Variants in CBFA2T3 observed in about 807,000 individuals in gnomAD.
The protein encoded by CBFA2T3 is transcriptional corepressor CBFA2T3.
In CBFA2T3, 31 loss-of-function variants were observed where a neutral mutation model predicts 58.6. That is an observed-to-expected ratio of 0.53 (90% CI 0.40 to 0.71). The LOEUF (loss-of-function observed/expected upper bound fraction) is 0.71, where lower values mean the gene tolerates loss of function less well. Ranked by LOEUF, CBFA2T3 falls within the 30% of genes least tolerant of loss-of-function variation. The probability of loss-of-function intolerance (pLI) is 0.00; values close to 1 mark genes in which losing one functional copy is unlikely to be tolerated. For missense variants in CBFA2T3, 1,076 were observed against 963.1 expected, an observed-to-expected ratio of 1.12 and a Z score of -1.55; for synonymous variants, 531 against 421.9, an observed-to-expected ratio of 1.26 and a Z score of -3.17.
intron 1 of CBFA2T3, among the ~76,000 whole-genome samples, chr16:88,967,105 C>A (rs1456074758): frequency 2.4e-5 from 3 of 126,352 alleles, no homozygotes; most frequent in Non-Finnish European, 3.5e-5. Context: ...TGTGTGCCAC[C>A]CCCAACCCCC....
At position 88,877,092 on chromosome 16, in the gene CBFA2T3, T is replaced by C. The variant is rs754861677; in HGVS notation, c.1846A>G (p.Ser616Gly). The C allele has an allele frequency of 7.8e-6, 12 of 1,541,870 alleles. No individual in the cohort carries two copies. The South Asian group carries it at 1.4e-4, about 18-fold the overall frequency. ...PVPGPPEAAH[S>G]LGPSLPVGAA... ...CCCACAGGCAGGGAGGGGCCCAGGC[T>C]GTGGGCGGCTTCGGGCGGTCCAGGC... The change falls in exon 12 of 12, where the codon AGC becomes GGC. Residue 616 changes from serine (S) to glycine (G), a missense_variant. Coordinates refer to ENST00000268679, the MANE Select transcript of CBFA2T3 (RefSeq NM_005187.6).
chr16:88,896,025 G>A (rs1969874320), intron 3 of CBFA2T3, among the ~76,000 whole-genome samples: 1 of 152,184 alleles, frequency 6.6e-6, no homozygotes, highest in African/African-American at 2.4e-5. Flanking sequence ...GCCTGACCTG[G>A]GCTTCCCCAG....
rs530323103 is a variant in CBFA2T3, at chr16:88,953,351, G to A, written c.151+23306C>T. Among the ~76,000 whole-genome samples the A allele has an allele frequency of 4.6e-5, 7 of 152,114 alleles. No individual in the cohort carries two copies. Among genetic ancestry groups the A allele is most frequent in the Non-Finnish European group, 7.3e-5 (5 of 68,034 alleles). On this transcript the variant is annotated intron_variant, in intron 1 of 11. Coordinates refer to ENST00000268679, the MANE Select transcript of CBFA2T3 (RefSeq NM_005187.6). This position sits in a 1 kb window ranked among gnomAD's most constrained non-coding sequence, Gnocchi z 4.9. ...CGGAAGAACGAAGGAAGGAGTGAGC[G>A]TGGGGAGAGCCAGCCAGGCTCCCCA...
Position 88,977,021 on chromosome 16 carries a change from AT to A in CBFA2T3, c.-215del, listed in dbSNP as rs1042264708. On this transcript the variant is annotated 5_prime_UTR_variant, in exon 1 of 12. An upstream start codon of the reference 5' UTR is lost. Transcript: ENST00000268679. ...GGAGGGGGTGGGAGCCCTGGGGCTC[AT>A]GTGACGCGGGGCGGGCCTGGGGCTG... is the stretch of plus-strand genomic sequence containing the variant. The A allele has an allele frequency of 6.1e-6, 3 of 495,078 alleles. No individual in the cohort carries two copies. The highest frequency in any genetic ancestry group is 1.1e-5 in the Non-Finnish European group (3 of 278,876). 30.7% of individuals were successfully genotyped at this position (495,078 alleles called of 1,614,324 possible).
At chr16:88,959,781 T>G (rs1972315578) in intron 1 of CBFA2T3, among the ~76,000 whole-genome samples, 1 of 152,178 alleles carries the variant, frequency 6.6e-6, no homozygotes, top group African/African-American at 2.4e-5. Context: ...ATCCCAGCAC[T>G]TTGGGAGGCC....
chr16:88,886,004 G>A lies in CBFA2T3; in HGVS notation c.850C>T (p.Leu284=), dbSNP rs1042787040. ...TTGCCGTTCTCGTTGACTTCCAGTA[G>A]CAGCTCTGAGGAGTCGATGGGGGAG... ...ASSPIDSSEL[L]LEVNENGKRR... is the part of the protein sequence containing the mutation. The change falls in exon 6 of 12, where the codon CTA becomes TTA. Residue 284 remains leucine (L), a synonymous_variant. Transcript: ENST00000268679. 4.5e-6 allele frequency: 7 copies of A among 1,558,282 alleles called. No individual in the cohort carries two copies. Among genetic ancestry groups the A allele is most frequent in the Non-Finnish European group, 5.2e-6 (6 of 1,152,060 alleles).
At chr16:88,931,464 C>G (rs774675724) in intron 1 of CBFA2T3, among the ~76,000 whole-genome samples, 1 of 152,078 alleles carries the variant, frequency 6.6e-6, no homozygotes, top group East Asian at 1.9e-4. Context: ...CTTTCCAACC[C>G]GAAGGTCTCC....
At chr16:88,878,676 C>T (rs891387711) in intron 11 of CBFA2T3, among the ~76,000 whole-genome samples, 8 of 152,342 alleles carry the variant, frequency 5.3e-5, no homozygotes, top group South Asian at 4.1e-4. Context: ...CCAGGCACAG[C>T]GGCTCGCTTC....
At chr16:88,939,878 C>T (rs984842186) in intron 1 of CBFA2T3, 4 of 152,258 alleles carry the variant, frequency 2.6e-5, no homozygotes, top group African/African-American at 9.6e-5. Flanking sequence ...GTCCCAGCCT[C>T]AAGAAGTTTC....
At chr16:88,910,034 CGGCTGTTCCTCGCTTGGTGCCT>C (rs1970478840) in intron 1 of CBFA2T3, among the ~76,000 whole-genome samples, 1 of 152,234 alleles carries the variant, frequency 6.6e-6, no homozygotes, top group Admixed American at 6.5e-5. Flanking sequence ...CACAGTGGCC[CGGCTGTTCCTCGCTTGGTGCCT>C]GGCTGTCCCC....
chr16:88,932,173 T>TTCCCCCTCACACGGCCCCC (rs1567617046), intron 1 of CBFA2T3, among the ~76,000 whole-genome samples: 34 of 117,546 alleles, frequency 2.9e-4, no homozygotes, highest in African/African-American at 1.2e-3. Flanking sequence ...ACACGGCCCC[T>TTCCCCCTCACACGGCCCCC]GCTTCCCCCT....
intron 1 of CBFA2T3, among the ~76,000 whole-genome samples, chr16:88,912,780 C>T (rs569740033): frequency 6.8e-4 from 103 of 152,338 alleles, no homozygotes; most frequent in Non-Finnish European, 1.1e-3. Flanking sequence ...CGGGGCGGCT[C>T]GCTGCTGCAG....
intron 1 of CBFA2T3, among the ~76,000 whole-genome samples, chr16:88,908,735 T>C (rs1970422598): frequency 6.6e-6 from 1 of 152,230 alleles, no homozygotes; most frequent in Admixed American, 6.5e-5. Context: ...CAAGCCCTGC[T>C]TCCGCTGTAA....
rs2142584356 is a variant in CBFA2T3, at chr16:88,892,305, A to C, written c.560T>G (p.Phe187Cys). 1 of 1,612,906 alleles carries C rather than the reference A, an allele frequency of 6.2e-7. No homozygotes were observed. Among genetic ancestry groups the C allele is most frequent in the Non-Finnish European group, 8.5e-7 (1 of 1,179,926 alleles). Residue 187 changes from phenylalanine to cysteine, a missense_variant, in exon 4 of 12, where the codon TTT (phenylalanine) becomes TGT (cysteine). Transcript: ENST00000268679. ...LKRFLTTLQQFGSDISPEIGE... is the reference protein window; with the variant it reads ...LKRFLTTLQQCGSDISPEIGE... ...AATCTCTGGGGAGATGTCGCTGCCA[A>C]ACTGCTGCAGTGTGGTGAGGAAGCG...
intron 1 of CBFA2T3, chr16:88,941,277 G>T: frequency 1.6e-6 from 1 of 619,560 alleles, no homozygotes; most frequent in African/African-American, 2.0e-5. Flanking sequence ...GCGGTCTCCG[G>T]CCTCCGCGGC....
intron 8 of CBFA2T3, 126 bp downstream of exon 8, chr16:88,882,532 ATGGCTGTGTGCATGGGTG>A: frequency 8.0e-6 from 5 of 624,866 alleles, no homozygotes; most frequent in Admixed American, 6.9e-5. Flanking sequence ...TTGTGTGGGC[ATGGCTGTGTGCATGGGTG>A]TGGCTGTGTG....
At chr16:88,938,483 C>T (rs1234235528) in intron 1 of CBFA2T3, 1 of 152,318 alleles carries the variant, frequency 6.6e-6, no homozygotes, top group East Asian at 1.9e-4. Context: ...CCACGGCCCT[C>T]GTGGGTGTTA....
At position 88,893,301 on chromosome 16, in the gene CBFA2T3, C is replaced by T. The variant is rs181649868; in HGVS notation, c.380-816G>A. On this transcript the variant is annotated intron_variant, in intron 3 of 11. Coordinates refer to ENST00000268679, the MANE Select transcript of CBFA2T3 (RefSeq NM_005187.6). ...CGCCTCCCAGCCCTGAGCAATGTGC[C>T]CCCCCCGACACACAGGTGCCTCCCA... Among the ~76,000 whole-genome samples, 95 of 145,078 alleles carry T rather than the reference C, an allele frequency of 6.5e-4. 1 individual carries two copies. The highest frequency in any genetic ancestry group is 1.1e-3 in the Non-Finnish European group (71 of 65,514).
chr16:88,933,746 T>C (rs1246280211), intron 1 of CBFA2T3, among the ~76,000 whole-genome samples: 1 of 145,282 alleles, frequency 6.9e-6, no homozygotes, highest in Non-Finnish European at 1.5e-5. Context: ...CACGTGCCTC[T>C]ATACGCCTCA....
Sources: allele counts gnomAD v4.1 joint callset (sites outside exome capture counted in the v4.1 genomes callset), GRCh38; gene constraint gnomAD v4.1.1; non-coding constraint Gnocchi (gnomAD v3.1); transcripts MANE v1.5; gene names NCBI Gene and HGNC (gene_info 2026-07-23, HGNC 2026-07-21).